ARHGAP19: variants seen among roughly 807,000 people sequenced by gnomAD.
The protein encoded by ARHGAP19 is rho GTPase-activating protein 19.
A neutral mutation model predicts 60.9 loss-of-function variants in ARHGAP19; 48 were observed. The ratio of observed to expected loss-of-function variants is 0.79; its 90% CI spans 0.62 to 1.00. The LOEUF (loss-of-function observed/expected upper bound fraction) is 1.00, where lower values mean the gene tolerates loss of function less well. Among genes scored for constraint, ARHGAP19 ranks in the 50% least tolerant of loss-of-function variants. ARHGAP19 has a pLI of 0.00. For synonymous variants in ARHGAP19, 209 were observed against 215.5 expected (o/e 0.97, Z 0.27); for missense variants, 562 against 597.2 (o/e 0.94, Z 0.61).
intron 1 of ARHGAP19, among the ~76,000 whole-genome samples, chr10:97,284,766 C>CA (rs1564729831): frequency 6.6e-6 from 1 of 150,690 alleles, no homozygotes. Flanking sequence ...CTCAGCCTCC[C>CA]AAAGTGGTAG....
In ARHGAP19 at chr10:97,229,135, T is replaced by A; in HGVS notation, c.1474+12A>T. 1.2e-6 allele frequency: 2 copies of A among 1,607,340 alleles called. No homozygotes were observed. Among genetic ancestry groups the A allele is most frequent in the African/African-American group, 2.7e-5 (2 of 74,894 alleles). ...ACATTTAGTAAGAACAGAGAGTAAGTACAATTAGTACCTTTTTTCCCCTCT... is the reference window on the plus strand; with the variant it reads ...ACATTTAGTAAGAACAGAGAGTAAGAACAATTAGTACCTTTTTTCCCCTCT... On this transcript the variant is annotated intron_variant, in intron 11 of 11. Coordinates refer to ENST00000358531, the MANE Select transcript of ARHGAP19 (RefSeq NM_032900.6).
intron 1 of ARHGAP19, among the ~76,000 whole-genome samples, chr10:97,280,956 G>A (rs1404682320): frequency 6.6e-6 from 1 of 152,124 alleles, no homozygotes; most frequent in African/African-American, 2.4e-5. Flanking sequence ...ATCTGATTAG[G>A]TCCTAAAAGA....
chr10:97,292,617 T>C lies in ARHGAP19; in HGVS notation c.11A>G (p.Glu4Gly), dbSNP rs1204989321. MAT[E>G]AQSEGEVPAR... ...TGGCACCTCCCCTTCACTCTGTGCCTCAGTCGCCATCTTCGTCAGCAAACT... is the reference window on the plus strand; with the variant it reads ...TGGCACCTCCCCTTCACTCTGTGCCCCAGTCGCCATCTTCGTCAGCAAACT... Residue 4 changes from glutamate (E) to glycine (G), a missense_variant, in exon 1 of 12, where the codon GAG becomes GGG. Coordinates refer to ENST00000358531, the MANE Select transcript of ARHGAP19 (RefSeq NM_032900.6). 6 of 1,614,088 alleles carry C rather than the reference T, an allele frequency of 3.7e-6. No individual in the cohort carries two copies. Among genetic ancestry groups the C allele is most frequent in the Admixed American group, 1.7e-5 (1 of 59,994 alleles).
At chr10:97,248,515 T>A (rs1456434460) in intron 6 of ARHGAP19, among the ~76,000 whole-genome samples, 1 of 152,106 alleles carries the variant, frequency 6.6e-6, no homozygotes, top group Admixed American at 6.6e-5. Flanking sequence ...AAATCTGAAT[T>A]GGTGGTATTA....
chr10:97,252,788 C>T (rs1842703596), intron 6 of ARHGAP19, among the ~76,000 whole-genome samples: 2 of 152,078 alleles, frequency 1.3e-5, no homozygotes, highest in Admixed American at 1.3e-4. Flanking sequence ...TATAATACAT[C>T]AATCCCACTA....
intron 10 of ARHGAP19, 23 bp downstream of exon 10, chr10:97,229,741 C>T (rs570570274): frequency 1.3e-6 from 2 of 1,488,224 alleles, no homozygotes; most frequent in East Asian, 2.3e-5. Context: ...GACAGACAGA[C>T]AGTCCAAAGA....
chr10:97,233,953 TG>T (rs1341160938), intron 9 of ARHGAP19, among the ~76,000 whole-genome samples: 1 of 73,612 alleles, frequency 1.4e-5, no homozygotes, highest in Non-Finnish European at 2.8e-5. Context: ...GGGGGTGGAG[TG>T]GGGGGAAGGA....
intron 6 of ARHGAP19, among the ~76,000 whole-genome samples, chr10:97,247,163 T>G (rs575509203): frequency 6.7e-6 from 1 of 150,322 alleles, no homozygotes; most frequent in African/African-American, 2.4e-5. Flanking sequence ...ACAAAAAAAT[T>G]AGCCGGGCAT....
intron 1 of ARHGAP19, among the ~76,000 whole-genome samples, chr10:97,284,717 GGCTGGTCT>G (rs1843130860): frequency 6.6e-6 from 1 of 151,964 alleles, no homozygotes; most frequent in East Asian, 1.9e-4. Flanking sequence ...AGGTTGCCCA[GGCTGGTCT>G]CAAACTCCTG....
intron 8 of ARHGAP19, among the ~76,000 whole-genome samples, chr10:97,236,803 G>GAAAAAAAA (rs71007323): frequency 8.2e-4 from 66 of 80,014 alleles, no homozygotes; most frequent in African/African-American, 3.1e-3. Flanking sequence ...AACAGACTCA[G>GAAAAAAAA]AAAAAAAAAA....
At chr10:97,267,493 A>G (rs1407804632) in intron 1 of ARHGAP19, among the ~76,000 whole-genome samples, 1 of 152,224 alleles carries the variant, frequency 6.6e-6, no homozygotes, top group Non-Finnish European at 1.5e-5. Flanking sequence ...TCCACTAGGC[A>G]GTGCCCCAAT....
At chr10:97,278,714 G>A (rs1402841163) in intron 1 of ARHGAP19, among the ~76,000 whole-genome samples, 1 of 152,012 alleles carries the variant, frequency 6.6e-6, no homozygotes, top group Non-Finnish European at 1.5e-5. Context: ...TGAAAGGACT[G>A]GAAACAATCC....
intron 8 of ARHGAP19, among the ~76,000 whole-genome samples, chr10:97,239,878 T>A (rs1332867581): frequency 6.6e-6 from 1 of 151,630 alleles, no homozygotes; most frequent in Non-Finnish European, 1.5e-5. Context: ...TGGCTAATTT[T>A]GTATTTTTAG....
At chr10:97,256,047 T>C (rs2250134) in intron 6 of ARHGAP19, among the ~76,000 whole-genome samples, 142,849 of 152,204 alleles carry the variant, frequency 0.94, 67,669 homozygotes, top group East Asian at 1. Flanking sequence ...TAAAACTACC[T>C]AGCTGCCACG....
chr10:97,289,942 T>C (rs1292518889), intron 1 of ARHGAP19, among the ~76,000 whole-genome samples: 3 of 152,096 alleles, frequency 2.0e-5, no homozygotes, highest in Non-Finnish European at 4.4e-5. Flanking sequence ...TAGTATTTTA[T>C]TTGTCCTCAG....
intron 6 of ARHGAP19, among the ~76,000 whole-genome samples, chr10:97,252,942 G>A (rs543300942): frequency 1.1e-4 from 16 of 152,140 alleles, no homozygotes; most frequent in South Asian, 8.3e-4. Flanking sequence ...AAAATGTGGC[G>A]TATATACACA....
intron 8 of ARHGAP19, among the ~76,000 whole-genome samples, chr10:97,239,773 C>T (rs1254261445): frequency 2.0e-5 from 3 of 151,460 alleles, no homozygotes; most frequent in Admixed American, 1.3e-4. Context: ...AATGGCATGA[C>T]CTCGGCTCAC....
intron 2 of ARHGAP19, 140 bp from the exon 3 acceptor site, chr10:97,265,046 A>T: frequency 1.6e-6 from 1 of 641,638 alleles, no homozygotes; most frequent in South Asian, 2.0e-5. Context: ...TTAGAACTGG[A>T]AGTGCACCAG....
intron 1 of ARHGAP19, among the ~76,000 whole-genome samples, chr10:97,274,066 C>G (rs1023594922): frequency 1.3e-5 from 2 of 152,028 alleles, no homozygotes; most frequent in African/African-American, 2.4e-5. Context: ...TTTAGAGATA[C>G]TTGCTTAAAT....
Sources: gnomAD v4.1 joint callset for allele counts (sites outside exome capture counted in the v4.1 genomes callset) on GRCh38, gnomAD v4.1.1 for gene constraint, MANE v1.5 for transcripts, NCBI Gene and HGNC (gene_info 2026-07-23, HGNC 2026-07-21) for gene names.